The following ZNF808 variants were observed in gnomAD, a reference collection of about 807,000 sequenced individuals.
ZNF808 encodes zinc finger protein 808.
ZNF808 carries 5 observed loss-of-function variants against 8.7 expected under a neutral mutation model. That is an observed-to-expected ratio of 0.58 (90% CI 0.30 to 1.21). The LOEUF (loss-of-function observed/expected upper bound fraction) is 1.21, where lower values mean the gene tolerates loss of function less well. Ranked by LOEUF, ZNF808 falls within the 50% of genes most tolerant of loss-of-function variation. The probability of loss-of-function intolerance (pLI) is 0.07; values close to 1 mark genes in which losing one functional copy is unlikely to be tolerated. For synonymous variants in ZNF808, 380 were observed against 366.0 expected, an observed-to-expected ratio of 1.04 and a Z score of -0.44; for missense variants, 1,103 against 1,098.4, an observed-to-expected ratio of 1.00 and a Z score of -0.06.
At chr19:52,564,900 C>CA (rs1359064576), downstream of ZNF808, among the ~76,000 whole-genome samples, 2 of 152,052 alleles carry the variant, frequency 1.3e-5, no homozygotes, top group Non-Finnish European at 2.9e-5. Context: ...TCCTGGCTAA[C>CA]ACGGTGAAAC....
intron 2 of ZNF808, among the ~76,000 whole-genome samples, chr19:52,538,653 A>G (rs1018346803): frequency 3.4e-5 from 5 of 146,160 alleles, no homozygotes; most frequent in African/African-American, 1.3e-4. Context: ...AGAATGGAGC[A>G]AAACAGGAGA....
intron 4 of ZNF808, 144 bp downstream of exon 4, chr19:52,547,782 TC>T: frequency 1.4e-6 from 2 of 1,449,992 alleles, no homozygotes; most frequent in Non-Finnish European, 1.8e-6. Flanking sequence ...TGCTCTTGTT[TC>T]CCAGGCTGGA....
In ZNF808 at chr19:52,556,145, A is replaced by G. The variant is rs374157111; in HGVS notation, c.*517A>G. The G allele has an allele frequency of 3.3e-4, 123 of 377,290 alleles. No homozygotes were observed. The highest frequency in any genetic ancestry group is 2.6e-3 in the African/African-American group (120 of 47,032). 23.4% of individuals were successfully genotyped at this position (377,290 alleles called of 1,614,324 possible). A position where few individuals can be genotyped will look rare whatever the true frequency, so the allele number is the denominator to read the frequency against. On this transcript the variant is annotated 3_prime_UTR_variant, in exon 5 of 5. Coordinates refer to ENST00000359798, the MANE Select transcript of ZNF808 (RefSeq NM_001039886.4). Reference sequence around the variant, plus strand: ...GACTTAACATTGAGTTCAAGCCTTAATTGACATTCAAGTGTTTATGTTAAG... The same window carrying G: ...GACTTAACATTGAGTTCAAGCCTTAGTTGACATTCAAGTGTTTATGTTAAG...
chr19:52,540,466 C>T (rs1363808029), intron 2 of ZNF808, among the ~76,000 whole-genome samples: 14 of 152,060 alleles, frequency 9.2e-5, no homozygotes, highest in East Asian at 5.8e-4. Flanking sequence ...TATCATATAT[C>T]GAAAACATTT....
At chr19:52,530,573 G>T (rs750686017) in intron 1 of ZNF808, among the ~76,000 whole-genome samples, 3 of 152,158 alleles carry the variant, frequency 2.0e-5, no homozygotes, top group Middle Eastern at 3.4e-3. Flanking sequence ...TGAGGCAGGA[G>T]AATTACTTGA....
At chr19:52,537,091 C>T (rs1287162521) in intron 2 of ZNF808, among the ~76,000 whole-genome samples, 1 of 151,986 alleles carries the variant, frequency 6.6e-6, no homozygotes, top group Admixed American at 6.6e-5. Context: ...GAGGCTGAGG[C>T]CAGAGAATCG....
intron 2 of ZNF808, among the ~76,000 whole-genome samples, chr19:52,540,098 G>A (rs1388009386): frequency 5.3e-5 from 8 of 151,960 alleles, no homozygotes; most frequent in Admixed American, 2.0e-4. Flanking sequence ...TGCAAACTCC[G>A]CCTCCTGGGG....
At chr19:52,530,728 A>C (rs1599946229) in intron 1 of ZNF808, among the ~76,000 whole-genome samples, 1 of 152,202 alleles carries the variant, frequency 6.6e-6, no homozygotes, top group Non-Finnish European at 1.5e-5. Context: ...TCATTCCTGT[A>C]ATCCCAGCAC....
intron 4 of ZNF808, 55 bp downstream of exon 4, chr19:52,547,693 T>A: frequency 6.3e-7 from 1 of 1,593,274 alleles, no homozygotes; most frequent in Non-Finnish European, 8.5e-7. Context: ...ATCTTGGCTC[T>A]TCCTGGTTTT....
downstream of ZNF808, among the ~76,000 whole-genome samples, chr19:52,566,417 C>T (rs141799198): frequency 1.9e-3 from 283 of 152,198 alleles, no homozygotes; most frequent in Non-Finnish European, 1.8e-3. Context: ...CCACCTGCCT[C>T]AGCCTCCCAA....
At chr19:52,547,411 T>G in intron 3 of ZNF808, 101 bp from the exon 4 acceptor site, 1 of 1,590,848 alleles carries the variant, frequency 6.3e-7, no homozygotes, top group Non-Finnish European at 8.5e-7. Flanking sequence ...CAGAACACAG[T>G]CTTTGATCAA....
At chr19:52,546,372 G>C (rs1266292122) in intron 3 of ZNF808, among the ~76,000 whole-genome samples, 1 of 151,982 alleles carries the variant, frequency 6.6e-6, no homozygotes. Flanking sequence ...GTTTTTACTA[G>C]AGAAGGGGTT....
downstream of ZNF808, among the ~76,000 whole-genome samples, chr19:52,557,478 A>T (rs1200365686): frequency 6.6e-6 from 1 of 151,864 alleles, no homozygotes; most frequent in Admixed American, 6.6e-5. Flanking sequence ...ATGTGGGCCA[A>T]GCTGGTCTCG....
chr19:52,537,048 C>T (rs575533901), intron 2 of ZNF808, among the ~76,000 whole-genome samples: 47 of 152,014 alleles, frequency 3.1e-4, no homozygotes, highest in Non-Finnish European at 5.3e-4. Flanking sequence ...TAGCTGGGCG[C>T]GGTTGCATAT....
At chr19:52,564,376 G>A (rs2059867505) in exon 4 of ZNF808, 2 of 451,980 alleles carry the variant, frequency 4.4e-6, no homozygotes, top group South Asian at 3.0e-5. Flanking sequence ...TGTTATGAAC[G>A]CATTGGTTGG....
intron 2 of ZNF808, among the ~76,000 whole-genome samples, chr19:52,542,738 AG>A (rs2059683710): frequency 6.6e-6 from 1 of 152,176 alleles, no homozygotes; most frequent in South Asian, 2.1e-4. Flanking sequence ...AAACAAAGGC[AG>A]GAAGACTTGA....
At chr19:52,546,642 CTTTT>C (rs67940309) in intron 3 of ZNF808, among the ~76,000 whole-genome samples, 3 of 98,796 alleles carry the variant, frequency 3.0e-5, no homozygotes, top group African/African-American at 4.0e-5. Context: ...CCTGTGTTTG[CTTTT>C]TTTTTTTTTT....
intron 2 of ZNF808, among the ~76,000 whole-genome samples, chr19:52,542,736 G>A (rs2059683681): frequency 6.6e-6 from 1 of 152,122 alleles, no homozygotes; most frequent in Non-Finnish European, 1.5e-5. Context: ...TTAAACAAAG[G>A]CAGGAAGACT....
Position 52,554,654 on chromosome 19 carries a change from TCA to T in ZNF808, c.1741_1742del (p.His581SerfsTer6), listed in dbSNP as rs1485607045. ...NECGKAFNQQ[S>X]HLSRHRRLHT... ...ATGTGGGAAAGCTTTTAATCAACAA[TCA>T]CATCTTTCACGTCATCGTAGACTTC... On this transcript the variant is annotated frameshift_variant, in exon 5 of 5. Coordinates refer to ENST00000359798, the MANE Select transcript of ZNF808 (RefSeq NM_001039886.4). LOFTEE classifies it low-confidence loss of function (END_TRUNC). 21 of 1,613,882 alleles carry T rather than the reference TCA, an allele frequency of 1.3e-5. No individual in the cohort carries two copies. The highest frequency in any genetic ancestry group is 1.8e-5 in the Non-Finnish European group (21 of 1,180,014).
Sources: gnomAD v4.1 joint callset for allele counts (sites outside exome capture counted in the v4.1 genomes callset) on GRCh38, gnomAD v4.1.1 for gene constraint, MANE v1.5 for transcripts, NCBI Gene and HGNC (gene_info 2026-07-23, HGNC 2026-07-21) for gene names.